ENOX1: variants seen among roughly 807,000 people sequenced by gnomAD.
ENOX1 encodes the protein ecto-NOX disulfide-thiol exchanger 1.
Under a neutral mutation model 82.5 loss-of-function variants are expected in ENOX1, and 42 were observed. That is an observed-to-expected ratio of 0.51 (90% CI 0.40 to 0.66). ENOX1 has a LOEUF of 0.66. Ranked by LOEUF, ENOX1 falls within the 30% of genes least tolerant of loss-of-function variation. The pLI, the probability that ENOX1 is intolerant of heterozygous loss-of-function variation, is 0.00. For synonymous variants in ENOX1, 271 were observed against 282.2 expected, an observed-to-expected ratio of 0.96 and a Z score of 0.40; for missense variants, 608 against 811.6, an observed-to-expected ratio of 0.75 and a Z score of 3.05.
chr13:43,302,229 A>T (rs2046620751), intron 11 of ENOX1, among the ~76,000 whole-genome samples: 2 of 152,210 alleles, frequency 1.3e-5, no homozygotes, highest in African/African-American at 4.8e-5. Context: ...CCGATAATAA[A>T]AAAAGAATAG....
chr13:43,515,737 A>T (rs1332000033), intron 2 of ENOX1, among the ~76,000 whole-genome samples: 1 of 152,190 alleles, frequency 6.6e-6, no homozygotes, highest in East Asian at 1.9e-4. Flanking sequence ...ACAGTCACTG[A>T]AAAGTGCTGG....
At chr13:43,270,351 T>C (rs2044615112) in intron 12 of ENOX1, among the ~76,000 whole-genome samples, 1 of 152,226 alleles carries the variant, frequency 6.6e-6, no homozygotes, top group Non-Finnish European at 1.5e-5. Context: ...CAGCTCTGAC[T>C]ATTCAGAGCT....
chr13:43,708,338 A>G (rs1594501969), intron 1 of ENOX1, among the ~76,000 whole-genome samples: 1 of 152,230 alleles, frequency 6.6e-6, no homozygotes, highest in African/African-American at 2.4e-5. Flanking sequence ...GAAGTAACAC[A>G]GACCCTGGAA....
At chr13:43,224,599 G>A (rs999994263) in intron 15 of ENOX1, among the ~76,000 whole-genome samples, 1 of 152,156 alleles carries the variant, frequency 6.6e-6, no homozygotes, top group Admixed American at 6.5e-5. Flanking sequence ...GATATGAAAA[G>A]TATTTAATCT....
intron 3 of ENOX1, among the ~76,000 whole-genome samples, chr13:43,465,448 C>T (rs1221558576): frequency 6.6e-6 from 1 of 151,920 alleles, no homozygotes; most frequent in Non-Finnish European, 1.5e-5. Context: ...TTTTTGAGCA[C>T]TTATTTTTTT....
At chr13:43,296,886 T>C (rs1593773951) in intron 12 of ENOX1, among the ~76,000 whole-genome samples, 1 of 152,196 alleles carries the variant, frequency 6.6e-6, no homozygotes. Flanking sequence ...TCTGGCGTCA[T>C]GGTCTTTGGG....
intron 1 of ENOX1, among the ~76,000 whole-genome samples, chr13:43,686,597 C>T (rs2086089678): frequency 6.6e-6 from 1 of 152,170 alleles, no homozygotes; most frequent in African/African-American, 2.4e-5. Flanking sequence ...CTAAGTGAGT[C>T]TTTGGTTAAA....
chr13:43,735,761 G>C (rs1226624561), intron 1 of ENOX1, among the ~76,000 whole-genome samples: 1 of 151,904 alleles, frequency 6.6e-6, no homozygotes, highest in Non-Finnish European at 1.5e-5. Context: ...TAAAATGTGA[G>C]AGATAAAAGA....
At chr13:43,269,262 A>C (rs968488776) in intron 13 of ENOX1, among the ~76,000 whole-genome samples, 1 of 152,258 alleles carries the variant, frequency 6.6e-6, no homozygotes, top group Admixed American at 6.5e-5. Flanking sequence ...AGGCTTGGGC[A>C]ATCTAAACAA....
intron 3 of ENOX1, among the ~76,000 whole-genome samples, chr13:43,470,698 A>G (rs2058032229): frequency 6.6e-6 from 1 of 152,000 alleles, no homozygotes; most frequent in South Asian, 2.1e-4. Context: ...ATCCAATTTA[A>G]AAATGGGAAA....
chr13:43,684,103 A>AAAAG (rs1198672112), intron 1 of ENOX1, among the ~76,000 whole-genome samples: 5 of 151,506 alleles, frequency 3.3e-5, no homozygotes, highest in Non-Finnish European at 5.9e-5. Flanking sequence ...CTCAAAAAAA[A>AAAAG]AAAAAAAAAA....
intron 1 of ENOX1, among the ~76,000 whole-genome samples, chr13:43,749,942 C>A (rs1950225560): frequency 6.6e-6 from 1 of 152,144 alleles, no homozygotes; most frequent in South Asian, 2.1e-4. Flanking sequence ...GATACATACC[C>A]CAATAATTCG....
intron 2 of ENOX1, among the ~76,000 whole-genome samples, chr13:43,638,569 A>G (rs1184548179): frequency 6.6e-6 from 1 of 152,226 alleles, no homozygotes; most frequent in Non-Finnish European, 1.5e-5. Context: ...GTGCATAGTA[A>G]AAGGTAACAG....
chr13:43,398,768 A>C (rs1213785230), intron 5 of ENOX1, among the ~76,000 whole-genome samples: 1 of 150,798 alleles, frequency 6.6e-6, no homozygotes, highest in East Asian at 2.0e-4. Flanking sequence ...CTGCTTGATG[A>C]ATAGTAAATG....
At chr13:43,516,670 A>G (rs934824734) in intron 2 of ENOX1, among the ~76,000 whole-genome samples, 3 of 152,124 alleles carry the variant, frequency 2.0e-5, no homozygotes, top group African/African-American at 4.8e-5. Flanking sequence ...GCTTCTGGAA[A>G]ACTCTAGTTG....
At chr13:43,396,560 T>C (rs2053163994) in intron 5 of ENOX1, among the ~76,000 whole-genome samples, 1 of 152,060 alleles carries the variant, frequency 6.6e-6, no homozygotes, top group African/African-American at 2.4e-5. Context: ...TTTGTATTTT[T>C]AGTAGAGACA....
rs564693025 is a variant in ENOX1, at chr13:43,496,721, T to C, written c.-218-12569A>G. On this transcript the variant is annotated intron_variant, in intron 2 of 16. Transcript: ENST00000690772. Reference sequence around the variant, plus strand: ...AGCCTTTCTCCTATATGTAACAAAATTGCTTTGTTATTAAATCAATTTACT... The same window carrying C: ...AGCCTTTCTCCTATATGTAACAAAACTGCTTTGTTATTAAATCAATTTACT... Among the ~76,000 whole-genome samples, 6 of 152,282 alleles carry C rather than the reference T, an allele frequency of 3.9e-5. No individual in the cohort carries two copies. The East Asian group carries it at 5.8e-4, about 15-fold the overall frequency.
chr13:43,482,946 T>C (rs2058563241), intron 3 of ENOX1, among the ~76,000 whole-genome samples: 1 of 152,078 alleles, frequency 6.6e-6, no homozygotes, highest in African/African-American at 2.4e-5. Flanking sequence ...CACTGTTCAA[T>C]GGGGGTTAAT....
intron 1 of ENOX1, among the ~76,000 whole-genome samples, chr13:43,756,665 TCTCCAGTGCC>T (rs1950658273): frequency 6.6e-6 from 1 of 152,068 alleles, no homozygotes; most frequent in African/African-American, 2.4e-5. Context: ...CTCTCTTTTA[TCTCCAGTGCC>T]TAGTACTTAG....
Sources: gnomAD v4.1 joint callset for allele counts (sites outside exome capture counted in the v4.1 genomes callset) on GRCh38, gnomAD v4.1.1 for gene constraint, MANE v1.5 for transcripts, NCBI Gene and HGNC (gene_info 2026-07-23, HGNC 2026-07-21) for gene names.